The following GPR179 variants were observed in gnomAD, a reference collection of about 807,000 sequenced individuals.
GPR179 encodes the protein probable G protein-coupled receptor 179.
A neutral mutation model predicts 70.8 loss-of-function variants in GPR179; 52 were observed. The observed-to-expected ratio is 0.73, with a 90% CI of 0.59 to 0.93. The LOEUF (loss-of-function observed/expected upper bound fraction) is 0.93. Among genes scored for constraint, GPR179 ranks in the 40% least tolerant of loss-of-function variants. GPR179 has a pLI of 0.00. For synonymous variants in GPR179, 1,123 were observed against 1,169.0 expected, an observed-to-expected ratio of 0.96 and a Z score of 0.80; for missense variants, 2,734 against 2,966.8, an observed-to-expected ratio of 0.92 and a Z score of 1.82.
intron 1 of GPR179, 56 bp from the exon 2 acceptor site, chr17:38,339,581 T>C: frequency 1.6e-6 from 2 of 1,272,168 alleles, no homozygotes; most frequent in Non-Finnish European, 2.3e-6. Context: ...AGTGGACGTG[T>C]GTCCCTGGGC....
In GPR179 at chr17:38,343,373, C is replaced by T. The variant is rs751061401; in HGVS notation, c.417G>A (p.Glu139=). The change falls in exon 1 of 11, where the codon GAG becomes GAA. Residue 139 remains glutamate (E), a synonymous_variant. Coordinates refer to ENST00000616987, the MANE Select transcript of GPR179 (RefSeq NM_001004334.4). The surrounding 1 kb of genome is among the most constrained non-coding windows in gnomAD (Gnocchi z 4.2). ...WYQALVRSVA[E]GDPRVYRALL... ...AAGCCCTGTACACTCTTGGGTCCCCCTCGGCCACGCTGCGGACCAGTGCCT... is the reference window on the plus strand; with the variant it reads ...AAGCCCTGTACACTCTTGGGTCCCCTTCGGCCACGCTGCGGACCAGTGCCT... 1.2e-6 allele frequency: 2 copies of T among 1,614,072 alleles called. No individual in the cohort carries two copies. Among genetic ancestry groups the T allele is most frequent in the Non-Finnish European group, 1.7e-6 (2 of 1,180,042 alleles).
Position 38,327,556 on chromosome 17 carries a change from C to G in GPR179, c.6013G>C (p.Ala2005Pro). 1 of 1,614,122 alleles carries G rather than the reference C, an allele frequency of 6.2e-7. No individual in the cohort carries two copies. ...CTGCTGTCAGATTTATACACACCTG[C>G]ATCAGGAACATCCCATGGGCACACG... ...ADVCPWDVPD[A>P]GVYKSDSSAK... is the part of the protein sequence containing the mutation. Residue 2005 changes from alanine (A) to proline (P), a missense_variant, in exon 11 of 11, where the codon GCA becomes CCA. Physicochemically the swap from Ala to Pro is conservative, Grantham distance 27 (BLOSUM62 -1). Transcript: ENST00000616987.
In GPR179 at chr17:38,343,881, T is replaced by C; in HGVS notation, c.-92A>G. 9.6e-7 allele frequency: 1 copy of C among 1,037,736 alleles called. No individual in the cohort carries two copies. Among genetic ancestry groups the C allele is most frequent in the East Asian group, 2.6e-5 (1 of 38,070 alleles). The allele number at this position is 1,037,736 out of a possible 1,614,324, so 64.3% of individuals were successfully genotyped here. A position where few individuals can be genotyped will look rare whatever the true frequency, so the allele number is the denominator to read the frequency against. On this transcript the variant is annotated 5_prime_UTR_variant, in exon 1 of 11. Transcript: ENST00000616987. This position sits in a 1 kb window ranked among gnomAD's most constrained non-coding sequence, Gnocchi z 4.2. Reference sequence around the variant, plus strand: ...TCTGGGGGCTGTCGGCCTCCACGCCTCCTATGCTGGCGTTCCTTCTTCCTC... The same window carrying C: ...TCTGGGGGCTGTCGGCCTCCACGCCCCCTATGCTGGCGTTCCTTCTTCCTC...
chr17:38,330,899 C>T lies in GPR179; in HGVS notation c.2670G>A (p.Arg890=). The T allele has an allele frequency of 6.2e-7, 1 of 1,604,778 alleles. No homozygotes were observed. Among genetic ancestry groups the T allele is most frequent in the Non-Finnish European group, 8.5e-7 (1 of 1,176,276 alleles). The change falls in exon 11 of 11, where the codon AGG becomes AGA. Residue 890 remains arginine (R), a synonymous_variant. Coordinates refer to ENST00000616987, the MANE Select transcript of GPR179 (RefSeq NM_001004334.4). ...GGGGGGCCCCTCGAGGCCGCTCCAG[C>T]CTCCTGGCTGATGGCCTCCGCACCA... ...ASLVRRPSAR[R]LERPRGAPLS...
In GPR179 at chr17:38,337,055, C is replaced by A. The variant is rs2037410755; in HGVS notation, c.1150G>T (p.Val384Leu). ...VEEAAVLRAA[V>L]LACQACCMLA... ...ATGCAGCAGGCCTGGCAGGCCAGCA[C>A]AGCGGCCCGCAGCACCGCGGCCTCT... The change falls in exon 4 of 11, where the codon GTG becomes TTG. Residue 384 changes from valine (V) to leucine (L), a missense_variant. Coordinates refer to ENST00000616987, the MANE Select transcript of GPR179 (RefSeq NM_001004334.4). The A allele has an allele frequency of 6.2e-7, 1 of 1,608,232 alleles. No individual in the cohort carries two copies. The highest frequency in any genetic ancestry group is 8.5e-7 in the Non-Finnish European group (1 of 1,178,184).
rs1421424110 is a variant in GPR179 at position 38,328,013 on chromosome 17, G to T, written c.5556C>A (p.Leu1852=). ...QREKALEKGR[L]TSLGEDVSKG... is the part of the protein sequence containing the mutation. ...TTGATACGTCTTCTCCCAGGGAAGT[G>T]AGTCTCCCCTTTTCTAGAGCTTTCT... Residue 1852 remains leucine, a synonymous_variant, in exon 11 of 11, where the codon CTC becomes CTA. Coordinates refer to ENST00000616987, the MANE Select transcript of GPR179 (RefSeq NM_001004334.4). The T allele has an allele frequency of 1.2e-6, 2 of 1,614,024 alleles. No individual in the cohort carries two copies. Among genetic ancestry groups the T allele is most frequent in the East Asian group, 4.5e-5 (2 of 44,876 alleles).
Position 38,331,492 on chromosome 17 carries a change from T to C in GPR179, c.2077A>G (p.Lys693Glu). 6.2e-7 allele frequency: 1 copy of C among 1,613,638 alleles called. No individual in the cohort carries two copies. The highest frequency in any genetic ancestry group is 2.2e-5 in the East Asian group (1 of 44,860). ...TTGTTTGCGGCCATTTCCTTGGTTTTGTGGACCTCTAGCTGGGCATAGAGC... is the reference window on the plus strand; with the variant it reads ...TTGTTTGCGGCCATTTCCTTGGTTTCGTGGACCTCTAGCTGGGCATAGAGC... ...KKLYAQLEVH[K>E]TKEMAANNPH... is the part of the protein sequence containing the mutation. Residue 693 changes from lysine (K) to glutamate (E), a missense_variant, in exon 11 of 11, where the codon AAA becomes GAA. Physicochemically the swap from Lys to Glu is moderately conservative, Grantham distance 56. Transcript: ENST00000616987.
Position 38,329,473 on chromosome 17 carries a change from C to G in GPR179, c.4096G>C (p.Ala1366Pro). 6.2e-7 allele frequency: 1 copy of G among 1,614,046 alleles called. No individual in the cohort carries two copies. The highest frequency in any genetic ancestry group is 8.5e-7 in the Non-Finnish European group (1 of 1,179,990). ...TCAGGGGTATGAGCTTCTGGGCCAG[C>G]AGCTTCCCACCCAGGCTTCTCCACC... is the stretch of plus-strand genomic sequence containing the variant. The part of the protein sequence containing the change: ...RKVEKPGWEA[A>P]GPEAHTPDIT... The change falls in exon 11 of 11, where the codon GCT (alanine) becomes CCT (proline). Residue 1366 changes from alanine to proline, a missense_variant. Transcript: ENST00000616987.
rs1327407456 is a variant in GPR179 at position 38,325,895 on chromosome 17, C to T, written c.*570G>A. 6.6e-6 allele frequency: 1 copy of T among 152,468 alleles called. No individual in the cohort carries two copies. The highest frequency in any genetic ancestry group is 6.5e-5 in the Admixed American group (1 of 15,292). The allele number at this position is 152,468 out of a possible 1,614,324, so 9.4% of individuals were successfully genotyped here. A position where few individuals can be genotyped will look rare whatever the true frequency, so the allele number is the denominator to read the frequency against. On this transcript the variant is annotated 3_prime_UTR_variant, in exon 11 of 11. Coordinates refer to ENST00000616987, the MANE Select transcript of GPR179 (RefSeq NM_001004334.4). Reference sequence around the variant, plus strand: ...AATGACAAGGTCCTTAAAGCATTTTCAGGCCCCTATTTTGAGTCATTTTAG... The same window carrying T: ...AATGACAAGGTCCTTAAAGCATTTTTAGGCCCCTATTTTGAGTCATTTTAG...
At position 38,331,144 on chromosome 17, in the gene GPR179, C is replaced by T; in HGVS notation, c.2425G>A (p.Gly809Arg). Reference sequence around the variant, plus strand: ...GACCTGAAGCCCAGGGCAGGGGGCCCCTCCACCGACTCCCGGCTCTCTGTT... The same window carrying T: ...GACCTGAAGCCCAGGGCAGGGGGCCTCTCCACCGACTCCCGGCTCTCTGTT... ...SRTESRESVE[G>R]PPALGFRSAS... The change falls in exon 11 of 11, where the codon GGG becomes AGG. Residue 809 changes from glycine to arginine, a missense_variant. Coordinates refer to ENST00000616987, the MANE Select transcript of GPR179 (RefSeq NM_001004334.4). 1 of 1,605,956 alleles carries T rather than the reference C, an allele frequency of 6.2e-7. No individual in the cohort carries two copies. The highest frequency in any genetic ancestry group is 8.5e-7 in the Non-Finnish European group (1 of 1,179,704).
chr17:38,340,038 A>G (rs558093984), intron 1 of GPR179, among the ~76,000 whole-genome samples: 11 of 152,252 alleles, frequency 7.2e-5, no homozygotes, highest in Admixed American at 2.0e-4. Flanking sequence ...GTCTACTACC[A>G]TTAGATCATA....
In GPR179 at chr17:38,337,662, G is replaced by GGATTAACTC; in HGVS notation, c.961_962insGAGTTAATC (p.Arg320_Pro321insArgValAsn). 6.3e-7 allele frequency: 1 copy of GGATTAACTC among 1,598,632 alleles called. No homozygotes were observed. The highest frequency in any genetic ancestry group is 8.5e-7 in the Non-Finnish European group (1 of 1,173,010). On this transcript the variant is annotated inframe_insertion, in exon 3 of 11. Coordinates refer to ENST00000616987, the MANE Select transcript of GPR179 (RefSeq NM_001004334.4). ...AGAGGGGCTTGCCCCGTAGAATCCAGGTCGGCAGCGGCAGAGGTAGCGGCC... is the reference window on the plus strand; with the variant it reads ...AGAGGGGCTTGCCCCGTAGAATCCAGGATTAACTCGTCGGCAGCGGCAGAGGTAGCGGCC...
chr17:38,342,334 CTT>C (rs10681391), intron 1 of GPR179, among the ~76,000 whole-genome samples: 24 of 139,136 alleles, frequency 1.7e-4, no homozygotes, highest in Admixed American at 2.9e-4. Flanking sequence ...ACTGACACAT[CTT>C]TTTTTTTTTT....
chr17:38,326,764 T>C lies in GPR179; in HGVS notation c.6805A>G (p.Thr2269Ala). 3 of 1,614,226 alleles carry C rather than the reference T, an allele frequency of 1.9e-6. No homozygotes were observed. The highest frequency in any genetic ancestry group is 2.5e-6 in the Non-Finnish European group (3 of 1,180,040). The change falls in exon 11 of 11, where the codon ACA (threonine) becomes GCA (alanine). Residue 2269 changes from threonine (T) to alanine (A), a missense_variant. Transcript: ENST00000616987. ...LTATRREFFP[T>A]APEKPLCLLV... ...AGGCATAGTGGTTTTTCAGGAGCTG[T>C]GGGGAAAAATTCTCTCCGAGTTGCT... is the stretch of plus-strand genomic sequence containing the variant.
Position 38,326,801 on chromosome 17 carries a change from G to A in GPR179, c.6768C>T (p.Leu2256=). Residue 2256 remains leucine, a synonymous_variant, in exon 11 of 11, where the codon CTC becomes CTT. Coordinates refer to ENST00000616987, the MANE Select transcript of GPR179 (RefSeq NM_001004334.4). ...ETGVPSEESG[L]LALTATRREF... ...CTCTCCGAGTTGCTGTTAAAGCCAG[G>A]AGGCCAGATTCCTCAGATGGGACTC... The A allele has an allele frequency of 6.2e-7, 1 of 1,614,234 alleles. No homozygotes were observed. Among genetic ancestry groups the A allele is most frequent in the Non-Finnish European group, 8.5e-7 (1 of 1,180,038 alleles).
chr17:38,342,882 GC>G (rs1471040174), intron 1 of GPR179, 113 bp downstream of exon 1: 25 of 996,302 alleles, frequency 2.5e-5, no homozygotes, highest in Non-Finnish European at 3.7e-5. Flanking sequence ...ACATCTGTGT[GC>G]CCCCCAGGCA....
In GPR179 at chr17:38,326,955, T is replaced by TTAA. The variant is rs762181891; in HGVS notation, c.6613_6614insTTA (p.Leu2204_Lys2205insIle). On this transcript the variant is annotated inframe_insertion, in exon 11 of 11. Transcript: ENST00000616987. Reference sequence around the variant, plus strand: ...GCTGCCTGCTTCCTTGGGGCTGACTTTGAGTTCTGGGTCCAGGGCACCTGA... The same window carrying TTAA: ...GCTGCCTGCTTCCTTGGGGCTGACTTTAATGAGTTCTGGGTCCAGGGCACCTGA... 6.2e-7 allele frequency: 1 copy of TTAA among 1,614,112 alleles called. No homozygotes were observed. The highest frequency in any genetic ancestry group is 1.3e-5 in the African/African-American group (1 of 75,044).
chr17:38,332,177 C>T (rs571964965), intron 10 of GPR179, among the ~76,000 whole-genome samples: 32 of 152,162 alleles, frequency 2.1e-4, no homozygotes, highest in Admixed American at 1.6e-3. Flanking sequence ...AAGGGGGAAA[C>T]GGGCAGAGGC....
intron 5 of GPR179, 106 bp from the exon 6 acceptor site, chr17:38,335,806 A>G (rs1033290234): frequency 8.0e-6 from 6 of 750,322 alleles, no homozygotes; most frequent in Admixed American, 2.1e-5. Context: ...CAATAGAGCC[A>G]TCACCACCTT....
Sources: allele counts gnomAD v4.1 joint callset (sites outside exome capture counted in the v4.1 genomes callset), GRCh38; gene constraint gnomAD v4.1.1; non-coding constraint Gnocchi (gnomAD v3.1); transcripts MANE v1.5; gene names NCBI Gene and HGNC (gene_info 2026-07-23, HGNC 2026-07-21).